The following INO80 variants were observed in gnomAD, a reference collection of about 807,000 sequenced individuals.
INO80 encodes INO80 complex ATPase subunit.
Under a neutral mutation model 203.4 loss-of-function variants are expected in INO80, and 20 were observed. The observed-to-expected ratio is 0.10, with a 90% CI of 0.07 to 0.14. The LOEUF is 0.14. INO80 is among the 10% of genes least tolerant of loss of function. INO80 has a pLI of 1.00. For missense variants in INO80, 1,419 were observed against 1,914.4 expected (o/e 0.74, Z 4.83); for synonymous variants, 726 against 685.2 (o/e 1.06, Z -0.93).
Position 41,095,818 on chromosome 15 carries a change from G to A in INO80, c.254C>T (p.Ser85Phe). The A allele has an allele frequency of 6.2e-7, 1 of 1,614,156 alleles. No individual in the cohort carries two copies. The highest frequency in any genetic ancestry group is 8.5e-7 in the Non-Finnish European group (1 of 1,180,024). The change falls in exon 3 of 36, where the codon TCT becomes TTT. Residue 85 changes from serine (S) to phenylalanine (F), a missense_variant. This residue lies in a region of INO80 where 323 missense variants were observed against 325.4 expected (regional missense o/e 0.99). Coordinates refer to ENST00000648947, the MANE Select transcript of INO80 (RefSeq NM_017553.3). Reference protein sequence around the residue: ...EPPNSLLGETSGAGSSGMLNT... With the variant: ...EPPNSLLGETFGAGSSGMLNT... ...TAACATTCCAGAACTGCCTGCTCCA[G>A]AAGTTTCACCAAGCAATGAATTTGG...
Position 41,077,359 on chromosome 15 carries a change from C to CAA in INO80, c.1131+2340_1131+2341dup, listed in dbSNP as rs750218617. On this transcript the variant is annotated intron_variant, in intron 9 of 35. Transcript: ENST00000648947. ...AAAAACAATACAATAGGGAATACAG[C>CAA]AAAAAAAAAAAAAAAAACCCAAAAG... Among the ~76,000 whole-genome samples, 342 of 74,470 alleles carry CAA rather than the reference C, an allele frequency of 4.6e-3. 2 individuals are homozygous for CAA. The highest frequency in any genetic ancestry group is 0.023 in the South Asian group (56 of 2,452). The allele number at this position is 74,470 out of a possible 152,430, so 48.9% of individuals were successfully genotyped here. A position where few individuals can be genotyped will look rare whatever the true frequency, so the allele number is the denominator to read the frequency against.
chr15:41,099,270 A>AACACAC (rs376598717), intron 1 of INO80, among the ~76,000 whole-genome samples: 5 of 124,508 alleles, frequency 4.0e-5, no homozygotes, highest in South Asian at 2.7e-4. Flanking sequence ...AAAAAAAACA[A>AACACAC]ACACACACAC....
At chr15:41,042,106 G>A (rs2925349) in intron 24 of INO80, among the ~76,000 whole-genome samples, 133,608 of 151,318 alleles carry the variant, frequency 0.88, 61,024 homozygotes, top group East Asian at 1. Flanking sequence ...TTCTGCCTCC[G>A]GGTTCAAGAG....
At chr15:40,984,163 C>A in intron 33 of INO80, 34 bp downstream of exon 33, 4 of 1,606,288 alleles carry the variant, frequency 2.5e-6, no homozygotes, top group Non-Finnish European at 3.4e-6. Flanking sequence ...ACACTCCTTA[C>A]GGCTGTGATG....
intron 1 of INO80, among the ~76,000 whole-genome samples, chr15:41,101,201 A>AAG (rs1489659004): frequency 6.6e-6 from 1 of 152,124 alleles, no homozygotes; most frequent in Non-Finnish European, 1.5e-5. Flanking sequence ...AGCATGTTAA[A>AAG]AGCTGCTGCT....
At chr15:41,043,622 C>T (rs936584206) in intron 24 of INO80, among the ~76,000 whole-genome samples, 1 of 152,198 alleles carries the variant, frequency 6.6e-6, no homozygotes, top group African/African-American at 2.4e-5. Flanking sequence ...CATTCTACAA[C>T]AGTAACTGTA....
At chr15:41,045,581 CAAAAA>C (rs61411603) in intron 23 of INO80, among the ~76,000 whole-genome samples, 53,862 of 129,418 alleles carry the variant, frequency 0.42, 10,658 homozygotes, top group South Asian at 0.48. Flanking sequence ...GACTCTGTCT[CAAAAA>C]AAAAAAAAAA....
At chr15:41,031,611 GAGGAGGGAGGAAGGGAGGA>G (rs1243861368) in intron 24 of INO80, among the ~76,000 whole-genome samples, 78 of 1,466 alleles carry the variant, frequency 0.053, 16 homozygotes, top group Non-Finnish European at 0.22. Flanking sequence ...GGGAGGAAGG[GAGGAGGGAGGAAGGGAGGA>G]AGGGAGGAAG....
chr15:41,069,469 CA>C, intron 14 of INO80, 100 bp downstream of exon 14: 1 of 672,296 alleles, frequency 1.5e-6, no homozygotes, highest in South Asian at 2.2e-5. Flanking sequence ...CAAGTCCGGC[CA>C]AAATTTAAAA....
At chr15:41,109,812 G>A (rs1278027378) in intron 1 of INO80, among the ~76,000 whole-genome samples, 1 of 151,804 alleles carries the variant, frequency 6.6e-6, no homozygotes, top group Non-Finnish European at 1.5e-5. Flanking sequence ...CACACCTGTA[G>A]TCCTAGCTAC....
At position 41,043,415 on chromosome 15, in the gene INO80, C is replaced by T. The variant is rs374179901; in HGVS notation, c.2907+1489G>A. On this transcript the variant is annotated intron_variant, in intron 24 of 35. Transcript: ENST00000648947. ...TTTCACCAGCAGGAAATCACCCTGCCACCACTGACAGCATTACTCCAAACA... is the reference window on the plus strand; with the variant it reads ...TTTCACCAGCAGGAAATCACCCTGCTACCACTGACAGCATTACTCCAAACA... Among the ~76,000 whole-genome samples the T allele has an allele frequency of 2.0e-5, 3 of 152,258 alleles. No homozygotes were observed. The East Asian group carries it at 5.8e-4, about 29-fold the overall frequency.
At chr15:41,104,095 C>T (rs1434979869) in intron 1 of INO80, among the ~76,000 whole-genome samples, 1 of 151,192 alleles carries the variant, frequency 6.6e-6, no homozygotes, top group Admixed American at 6.6e-5. Context: ...GTGGTGCATG[C>T]CTGTAATCCC....
intron 25 of INO80, chr15:41,023,270 T>A (rs968530162): frequency 4.4e-6 from 2 of 455,860 alleles, no homozygotes; most frequent in African/African-American, 4.0e-5. Context: ...CTCTCCCTTC[T>A]ATGACTTGAC....
In INO80 at chr15:41,056,633, T is replaced by C; in HGVS notation, c.2059A>G (p.Thr687Ala). ...GGACTAGTGCCTACCTCTGCCATGG[T>C]GTTCTGAATTGGGGTCCCGGTTAGC... ...LLLTGTPIQN[T>A]MAELWALLHF... Residue 687 changes from threonine to alanine, a missense_variant, in exon 17 of 36, where the codon ACC becomes GCC. Transcript: ENST00000648947. 1 of 1,613,062 alleles carries C rather than the reference T, an allele frequency of 6.2e-7. No homozygotes were observed. The highest frequency in any genetic ancestry group is 8.5e-7 in the Non-Finnish European group (1 of 1,178,994).
chr15:41,022,242 G>T (rs1188516474), intron 25 of INO80, among the ~76,000 whole-genome samples: 2 of 152,194 alleles, frequency 1.3e-5, no homozygotes, highest in Non-Finnish European at 2.9e-5. Flanking sequence ...AGAAGCAAAG[G>T]CCACAGCACA....
intron 9 of INO80, among the ~76,000 whole-genome samples, chr15:41,078,282 CA>C (rs1401456666): frequency 1.3e-5 from 2 of 152,062 alleles, no homozygotes; most frequent in African/African-American, 4.8e-5. Flanking sequence ...AAGGATATGT[CA>C]AAATTTTATT....
At chr15:41,114,238 G>C (rs191769923) in intron 1 of INO80, among the ~76,000 whole-genome samples, 1 of 151,458 alleles carries the variant, frequency 6.6e-6, no homozygotes, top group Admixed American at 6.6e-5. Context: ...CTATACTCCA[G>C]CCTGGGCGAC....
intron 27 of INO80, among the ~76,000 whole-genome samples, chr15:41,012,006 T>C (rs2044139304): frequency 6.6e-6 from 1 of 152,224 alleles, no homozygotes; most frequent in Non-Finnish European, 1.5e-5. Context: ...CCAAGTACTC[T>C]TTATTGTATA....
rs1444141003 is a variant in INO80 at position 41,055,290 on chromosome 15, C to T, written c.2145G>A (p.Lys715=). 1 of 1,613,236 alleles carries T rather than the reference C, an allele frequency of 6.2e-7. No homozygotes were observed. Among genetic ancestry groups the T allele is most frequent in the Admixed American group, 1.7e-5 (1 of 59,984 alleles). ...SHEEFNEWFS[K]DIESHAENKS... is the part of the protein sequence containing the mutation. The stretch of plus-strand genomic sequence containing the variant: ...TGTTTTCGGCATGGCTCTCAATGTC[C>T]TTGGAAAACCATTCATTAAATTCCT... The change falls in exon 18 of 36, where the codon AAG becomes AAA. Residue 715 remains lysine, a synonymous_variant. Transcript: ENST00000648947.
Sources: gnomAD v4.1 joint callset for allele counts (sites outside exome capture counted in the v4.1 genomes callset) on GRCh38, gnomAD v4.1.1 for gene constraint, gnomAD v4.1.1 regional missense constraint, MANE v1.5 for transcripts, NCBI Gene and HGNC (gene_info 2026-07-23, HGNC 2026-07-21) for gene names.